SHANK2: variants seen among roughly 807,000 people sequenced by gnomAD.
SHANK2 encodes SH3 and multiple ankyrin repeat domains protein 2.
In SHANK2, 43 loss-of-function variants were observed where a neutral mutation model predicts 133.7. That is an observed-to-expected ratio of 0.32 (90% CI 0.25 to 0.41). SHANK2 has a LOEUF of 0.41. Among genes scored for constraint, SHANK2 ranks in the 10% least tolerant of loss-of-function variants. SHANK2 has a pLI of 1.00. For missense variants in SHANK2, 1,994 were observed against 2,235.8 expected, an observed-to-expected ratio of 0.89 and a Z score of 2.18; for synonymous variants, 1,017 against 952.8, an observed-to-expected ratio of 1.07 and a Z score of -1.24.
At chr11:70,813,550 C>T (rs1473620178) in intron 12 of SHANK2, among the ~76,000 whole-genome samples, 1 of 152,030 alleles carries the variant, frequency 6.6e-6, no homozygotes, top group Non-Finnish European at 1.5e-5. Flanking sequence ...GGCCTGGGAC[C>T]TACTCAAGGT....
At chr11:70,716,892 G>A (rs888584246) in intron 14 of SHANK2, among the ~76,000 whole-genome samples, 18 of 108,440 alleles carry the variant, frequency 1.7e-4, no homozygotes, top group Non-Finnish European at 2.8e-4. Context: ...ACCGGGTCCC[G>A]GAGCCCCCCC....
chr11:71,092,675 C>G, intron 7 of SHANK2, 86 bp from the exon 8 acceptor site: 1 of 1,374,544 alleles, frequency 7.3e-7, no homozygotes, highest in Non-Finnish European at 9.9e-7. Flanking sequence ...GCACCAGGAC[C>G]ACCCTCCCCC....
At chr11:70,932,503 A>T (rs1950517046) in intron 10 of SHANK2, among the ~76,000 whole-genome samples, 3 of 152,240 alleles carry the variant, frequency 2.0e-5, no homozygotes. Flanking sequence ...ACTTCAGACC[A>T]ATTCCCAGGA....
intron 17 of SHANK2, among the ~76,000 whole-genome samples, chr11:70,533,101 G>A (rs782399969): frequency 1.4e-4 from 21 of 152,240 alleles, no homozygotes; most frequent in Non-Finnish European, 2.9e-4. Context: ...GGGGCAATGG[G>A]AGGGACGGCC....
chr11:70,712,306 G>A (rs2134592779), intron 14 of SHANK2, among the ~76,000 whole-genome samples: 1 of 152,252 alleles, frequency 6.6e-6, no homozygotes, highest in African/African-American at 2.4e-5. Flanking sequence ...ACCCTCAGCT[G>A]ACAGCAACCT....
At chr11:70,568,338 C>T (rs2059994093) in intron 17 of SHANK2, among the ~76,000 whole-genome samples, 1 of 152,216 alleles carries the variant, frequency 6.6e-6, no homozygotes, top group Admixed American at 6.5e-5. Context: ...TCAGGCAAGG[C>T]AGTGCCTCAC....
intron 17 of SHANK2, among the ~76,000 whole-genome samples, chr11:70,598,896 TA>T (rs1307257302): frequency 4.2e-5 from 3 of 70,836 alleles, no homozygotes; most frequent in African/African-American, 5.9e-5. Context: ...AGGAAAAGAA[TA>T]AAATACTTTA....
At chr11:70,724,886 A>T (rs1282713295) in intron 14 of SHANK2, among the ~76,000 whole-genome samples, 1 of 152,230 alleles carries the variant, frequency 6.6e-6, no homozygotes, top group Non-Finnish European at 1.5e-5. Flanking sequence ...CTTGCAGCTG[A>T]TGCCCATACA....
intron 15 of SHANK2, among the ~76,000 whole-genome samples, chr11:70,688,818 C>T (rs1024890218): frequency 4.6e-5 from 7 of 152,176 alleles, no homozygotes; most frequent in Non-Finnish European, 4.4e-5. Context: ...AGGGACACTG[C>T]GCTCCTGGGA....
chr11:71,212,408 C>T (rs1004547538), intron 2 of SHANK2, among the ~76,000 whole-genome samples: 11 of 152,166 alleles, frequency 7.2e-5, no homozygotes, highest in Non-Finnish European at 1.6e-4. Flanking sequence ...GGCTTTAAAG[C>T]CAAAGCAAAA....
chr11:70,625,844 G>T (rs781565560), intron 17 of SHANK2, among the ~76,000 whole-genome samples: 26 of 130,308 alleles, frequency 2.0e-4, no homozygotes, highest in Non-Finnish European at 4.0e-4. Flanking sequence ...AAAAAGACAC[G>T]TTTGTGCATA....
intron 11 of SHANK2, among the ~76,000 whole-genome samples, chr11:70,843,050 G>A (rs1555062190): frequency 6.6e-6 from 1 of 152,182 alleles, no homozygotes; most frequent in Non-Finnish European, 1.5e-5. Flanking sequence ...CTCCCAGAGC[G>A]GGCTGGGCAG....
chr11:70,527,224 C>T (rs2059410569), intron 17 of SHANK2, among the ~76,000 whole-genome samples: 1 of 152,218 alleles, frequency 6.6e-6, no homozygotes, highest in Admixed American at 6.5e-5. Flanking sequence ...TGCCTGGGTC[C>T]TGTCCCTGTC....
chr11:70,518,166 C>T (rs1282411593), intron 17 of SHANK2, among the ~76,000 whole-genome samples: 2 of 152,204 alleles, frequency 1.3e-5, no homozygotes, highest in African/African-American at 4.8e-5. Context: ...CGAGAGCACC[C>T]ACCCAGCCCC....
chr11:70,851,187 A>G (rs58035506), intron 11 of SHANK2, among the ~76,000 whole-genome samples: 90 of 72,592 alleles, frequency 1.2e-3, no homozygotes, highest in African/African-American at 3.7e-3. Flanking sequence ...CTTGCAGAAC[A>G]AGAACAGACT....
intron 2 of SHANK2, among the ~76,000 whole-genome samples, chr11:71,218,558 C>T (rs1321090970): frequency 6.6e-5 from 10 of 152,088 alleles, no homozygotes; most frequent in South Asian, 2.1e-4. Flanking sequence ...CCCCCGGGAC[C>T]GGGCTGTTCT....
chr11:70,768,579 C>T (rs575048656), intron 14 of SHANK2, among the ~76,000 whole-genome samples: 1 of 152,294 alleles, frequency 6.6e-6, no homozygotes, highest in East Asian at 1.9e-4. Context: ...CATCTCTAAC[C>T]ACTTTGGCAT....
chr11:71,215,312 G>A (rs909519369), intron 2 of SHANK2, among the ~76,000 whole-genome samples: 3 of 152,132 alleles, frequency 2.0e-5, no homozygotes, highest in Admixed American at 1.3e-4. Context: ...CCCTGCGTCT[G>A]TACTTTTGAG....
At chr11:70,924,207 C>T (rs564072439) in intron 10 of SHANK2, among the ~76,000 whole-genome samples, 1 of 152,202 alleles carries the variant, frequency 6.6e-6, no homozygotes, top group Admixed American at 6.5e-5. Context: ...AGGAGTCCCT[C>T]CTGACGGTAC....
Sources: gnomAD v4.1 joint callset for allele counts (sites outside exome capture counted in the v4.1 genomes callset) on GRCh38, gnomAD v4.1.1 for gene constraint, MANE v1.5 for transcripts, NCBI Gene and HGNC (gene_info 2026-07-23, HGNC 2026-07-21) for gene names.